The following PRDM6 variants were observed in gnomAD, a reference collection of about 807,000 sequenced individuals.
The protein encoded by PRDM6 is putative histone-lysine N-methyltransferase PRDM6.
In PRDM6, 25 loss-of-function variants were observed where a neutral mutation model predicts 60.8. The ratio of observed to expected loss-of-function variants is 0.41; its 90% confidence interval spans 0.30 to 0.57. PRDM6 has a LOEUF of 0.57. Ranked by LOEUF, PRDM6 falls within the 20% of genes least tolerant of loss-of-function variation. PRDM6 has a pLI of 0.27. For missense variants in PRDM6, 839 were observed against 821.3 expected, an observed-to-expected ratio of 1.02 and a Z score of -0.26; for synonymous variants, 407 against 357.4, an observed-to-expected ratio of 1.14 and a Z score of -1.57.
intron 6 of PRDM6, among the ~76,000 whole-genome samples, chr5:123,174,345 C>G (rs1330672634): frequency 6.6e-6 from 1 of 152,182 alleles, no homozygotes; most frequent in African/African-American, 2.4e-5. Flanking sequence ...CAGCCACTTA[C>G]AGTGAAAAGG....
chr5:123,128,035 C>T (rs1431676341), intron 3 of PRDM6, among the ~76,000 whole-genome samples: 4 of 151,952 alleles, frequency 2.6e-5, no homozygotes, highest in African/African-American at 7.3e-5. Context: ...TTTCCGTCCT[C>T]GTGATAGTTT....
At chr5:123,170,265 G>A (rs1265826758) in intron 5 of PRDM6, among the ~76,000 whole-genome samples, 2 of 152,080 alleles carry the variant, frequency 1.3e-5, no homozygotes, top group African/African-American at 4.8e-5. Context: ...CTTTCGTCTT[G>A]TTCCCTTCAT....
At chr5:123,140,880 GTAT>G (rs1198026096) in intron 3 of PRDM6, among the ~76,000 whole-genome samples, 3 of 152,010 alleles carry the variant, frequency 2.0e-5, no homozygotes, top group Non-Finnish European at 2.9e-5. Flanking sequence ...TTAATTATAG[GTAT>G]TATTATTTTT....
chr5:123,136,361 G>A (rs1344029194), intron 3 of PRDM6, among the ~76,000 whole-genome samples: 1 of 152,052 alleles, frequency 6.6e-6, no homozygotes, highest in Non-Finnish European at 1.5e-5. Flanking sequence ...CATGTTGGCC[G>A]AGAACTGCTG....
intron 3 of PRDM6, among the ~76,000 whole-genome samples, chr5:123,136,056 T>G (rs1764943131): frequency 6.6e-6 from 1 of 152,230 alleles, no homozygotes; most frequent in Non-Finnish European, 1.5e-5. Flanking sequence ...ACTTTCTTGT[T>G]GGGCCAACTC....
At chr5:123,128,928 A>G (rs1764755733) in intron 3 of PRDM6, among the ~76,000 whole-genome samples, 1 of 152,186 alleles carries the variant, frequency 6.6e-6, no homozygotes, top group Non-Finnish European at 1.5e-5. Flanking sequence ...TCCATCTTGA[A>G]TTAATTTTTG....
chr5:123,104,754 T>A (rs1764169864), intron 3 of PRDM6, among the ~76,000 whole-genome samples: 2 of 152,218 alleles, frequency 1.3e-5, no homozygotes, highest in South Asian at 2.1e-4. Context: ...TTTGAAGATG[T>A]CTTTTATAGT....
At chr5:123,150,024 A>C (rs1390541778) in intron 3 of PRDM6, among the ~76,000 whole-genome samples, 2 of 152,196 alleles carry the variant, frequency 1.3e-5, no homozygotes, top group African/African-American at 4.8e-5. Context: ...GCAAGTTAGT[A>C]GATTATGTCT....
In PRDM6 at chr5:123,099,530, C is replaced by T. The variant is rs1764047703; in HGVS notation, c.593-124C>T. On this transcript the variant is annotated intron_variant, in intron 2 of 7. Transcript: ENST00000407847. This position sits in a 1 kb window ranked among gnomAD's most constrained non-coding sequence, Gnocchi z 4.0. ...TTCGGTGCCCCCAAGGCATCACCTT[C>T]CTCGAAGGTGGCTTACCCAGGCGGG... The T allele has an allele frequency of 1.0e-5, 9 of 864,902 alleles. No homozygotes were observed. The highest frequency in any genetic ancestry group is 3.6e-4 in the Middle Eastern group (1 of 2,792). 53.6% of individuals were successfully genotyped at this position (864,902 alleles called of 1,614,324 possible).
At chr5:123,095,953 A>C (rs1014000617) in intron 2 of PRDM6, among the ~76,000 whole-genome samples, 11 of 152,220 alleles carry the variant, frequency 7.2e-5, no homozygotes, top group African/African-American at 2.6e-4. Context: ...GATCTATTGC[A>C]CTTTAAAGAC....
chr5:123,117,785 T>A (rs574246518), intron 3 of PRDM6, among the ~76,000 whole-genome samples: 7 of 152,348 alleles, frequency 4.6e-5, no homozygotes, highest in Admixed American at 1.3e-4. Flanking sequence ...CTCATTTGCT[T>A]TGCATGTGCA....
intron 2 of PRDM6, among the ~76,000 whole-genome samples, chr5:123,094,640 C>T (rs1040110171): frequency 3.9e-5 from 6 of 152,112 alleles, no homozygotes; most frequent in Non-Finnish European, 5.9e-5. Context: ...TCGATATGTG[C>T]CACCAGGAGA....
Position 123,191,227 on chromosome 5 carries a change from G to C in PRDM6, c.*4026G>C, listed in dbSNP as rs895263975. The C allele has an allele frequency of 6.6e-6, 1 of 152,002 alleles. No individual in the cohort carries two copies. The highest frequency in any genetic ancestry group is 2.4e-5 in the African/African-American group (1 of 41,362). 9.4% of individuals were successfully genotyped at this position (152,002 alleles called of 1,614,324 possible). ...CGTTGGCAGTGTAGTCCCTTTCCCC[G>C]GTGTGCAGAAGTAACATTATTTGTT... On this transcript the variant is annotated 3_prime_UTR_variant, in exon 8 of 8. Coordinates refer to ENST00000407847, the MANE Select transcript of PRDM6 (RefSeq NM_001136239.4).
intron 4 of PRDM6, among the ~76,000 whole-genome samples, chr5:123,157,778 C>G (rs1765535421): frequency 1.3e-5 from 2 of 152,204 alleles, no homozygotes; most frequent in South Asian, 4.1e-4. Flanking sequence ...TTTGTAATAT[C>G]TAAATGGAAT....
chr5:123,126,067 C>T (rs1399700630), intron 3 of PRDM6, among the ~76,000 whole-genome samples: 1 of 152,156 alleles, frequency 6.6e-6, no homozygotes, highest in African/African-American at 2.4e-5. Flanking sequence ...TGAACAGTTA[C>T]TGCTTTAAGA....
At chr5:123,129,129 G>C (rs1327769726) in intron 3 of PRDM6, among the ~76,000 whole-genome samples, 1 of 152,200 alleles carries the variant, frequency 6.6e-6, no homozygotes, top group Non-Finnish European at 1.5e-5. Context: ...CTATGTCTCT[G>C]TTTTGGTACC....
intron 3 of PRDM6, among the ~76,000 whole-genome samples, chr5:123,112,280 G>A (rs957112995): frequency 1.3e-5 from 2 of 152,208 alleles, no homozygotes; most frequent in Admixed American, 6.5e-5. Flanking sequence ...GCTCTTAGCA[G>A]TGCTGCATCC....
intron 3 of PRDM6, among the ~76,000 whole-genome samples, chr5:123,153,933 G>T (rs948431189): frequency 2.0e-5 from 3 of 152,124 alleles, no homozygotes; most frequent in Admixed American, 2.0e-4. Context: ...AGTCCCTGTG[G>T]AAGGTTTATT....
rs142210214 is a variant in PRDM6 at position 123,168,732 on chromosome 5, C to T, written c.1154-2034C>T. Among the ~76,000 whole-genome samples the T allele has an allele frequency of 7.5e-3, 1,148 of 152,348 alleles. 13 individuals carry two copies. Among genetic ancestry groups the T allele is most frequent in the African/African-American group, 0.027 (1,105 of 41,578 alleles). On this transcript the variant is annotated intron_variant, in intron 5 of 7. Coordinates refer to ENST00000407847, the MANE Select transcript of PRDM6 (RefSeq NM_001136239.4). ...TCTTTCTAGGTCTGCAAGTCTCTTG[C>T]TTTACTTTTCTTTCCTAAGACAGTA...
Sources: allele counts gnomAD v4.1 joint callset (sites outside exome capture counted in the v4.1 genomes callset), GRCh38; gene constraint gnomAD v4.1.1; non-coding constraint Gnocchi (gnomAD v3.1); transcripts MANE v1.5; gene names NCBI Gene and HGNC (gene_info 2026-07-23, HGNC 2026-07-21).